ZFHX3: variants seen among roughly 807,000 people sequenced by gnomAD.
ZFHX3 encodes zinc finger homeobox 3.
A neutral mutation model predicts 279.1 loss-of-function variants in ZFHX3; 42 were observed. That is an observed-to-expected ratio of 0.15 (90% CI 0.12 to 0.19). The LOEUF is 0.19. Among genes scored for constraint, ZFHX3 ranks in the 10% least tolerant of loss-of-function variants. ZFHX3 has a pLI of 1.00. For synonymous variants in ZFHX3, 2,293 were observed against 1,957.8 expected, an observed-to-expected ratio of 1.17 and a Z score of -4.52; for missense variants, 4,981 against 4,754.0, an observed-to-expected ratio of 1.05 and a Z score of -1.40.
intron 2 of ZFHX3, among the ~76,000 whole-genome samples, chr16:73,590,007 G>A (rs1412628520): frequency 3.9e-5 from 6 of 152,108 alleles, no homozygotes; most frequent in Admixed American, 2.6e-4. Flanking sequence ...TTCAGTAATT[G>A]TATTGGTGGT....
chr16:73,506,270 A>T (rs1410369582), intron 2 of ZFHX3, among the ~76,000 whole-genome samples: 1 of 152,164 alleles, frequency 6.6e-6, no homozygotes, highest in East Asian at 1.9e-4. Context: ...AAACTCCCAC[A>T]TTGCCACCTG....
At position 73,845,035 on chromosome 16, in the gene ZFHX3, G is replaced by A. The variant is rs73603528; in HGVS notation, c.-1608+46616C>T. Reference sequence around the variant, plus strand: ...GGGCTAAAGAAGGAAGAGGTGGTAGGAGCTCCTCTTTTTTATAAGCAGCCA... The same window carrying A: ...GGGCTAAAGAAGGAAGAGGTGGTAGAAGCTCCTCTTTTTTATAAGCAGCCA... On this transcript the variant is annotated intron_variant, in intron 1 of 17. Transcript: ENST00000641206. Among the ~76,000 whole-genome samples the A allele has an allele frequency of 6.6e-3, 1,004 of 152,196 alleles. 14 individuals are homozygous for A. Among genetic ancestry groups the A allele is most frequent in the African/African-American group, 0.023 (966 of 41,498 alleles).
intron 3 of ZFHX3, among the ~76,000 whole-genome samples, chr16:73,361,304 G>T (rs1261688864): frequency 6.6e-6 from 1 of 152,222 alleles, no homozygotes; most frequent in Non-Finnish European, 1.5e-5. Context: ...GCAAGAAGAG[G>T]CTTGATAGGT....
At chr16:72,953,446 C>T (rs1329285863) in intron 2 of ZFHX3, among the ~76,000 whole-genome samples, 3 of 152,182 alleles carry the variant, frequency 2.0e-5, no homozygotes, top group Non-Finnish European at 2.9e-5. Context: ...ATGCCAACCA[C>T]CTGAAGCATC....
intron 1 of ZFHX3, among the ~76,000 whole-genome samples, chr16:73,816,712 G>C (rs916751239): frequency 6.6e-6 from 1 of 152,166 alleles, no homozygotes; most frequent in African/African-American, 2.4e-5. Flanking sequence ...CAAACAGAGA[G>C]AAAGGATTGG....
intron 1 of ZFHX3, among the ~76,000 whole-genome samples, chr16:73,019,917 A>T (rs1964242540): frequency 6.6e-6 from 1 of 152,190 alleles, no homozygotes; most frequent in Admixed American, 6.5e-5. Flanking sequence ...ACACGTTTTT[A>T]AAAAATGTCT....
At chr16:73,404,989 A>G (rs1471551044) in intron 3 of ZFHX3, among the ~76,000 whole-genome samples, 1 of 152,198 alleles carries the variant, frequency 6.6e-6, no homozygotes, top group African/African-American at 2.4e-5. Context: ...ACCATTTGCA[A>G]CGGTCCAAGG....
intron 3 of ZFHX3, among the ~76,000 whole-genome samples, chr16:73,371,339 T>C (rs997962356): frequency 6.6e-6 from 1 of 151,940 alleles, no homozygotes; most frequent in African/African-American, 2.4e-5. Flanking sequence ...AATTGTAGAA[T>C]GTTGCATATG....
chr16:73,836,964 C>T (rs1203132808), intron 1 of ZFHX3, among the ~76,000 whole-genome samples: 2 of 152,206 alleles, frequency 1.3e-5, no homozygotes. Flanking sequence ...TTATAACGTG[C>T]AGCATGAGAC....
At chr16:73,417,471 A>G (rs1264711917) in intron 3 of ZFHX3, among the ~76,000 whole-genome samples, 1 of 134,660 alleles carries the variant, frequency 7.4e-6, no homozygotes, top group Non-Finnish European at 1.5e-5. Flanking sequence ...GGCTCAAGTG[A>G]TCCTCCTGCC....
chr16:73,697,887 A>C (rs1166716937), intron 1 of ZFHX3, among the ~76,000 whole-genome samples: 2 of 152,216 alleles, frequency 1.3e-5, no homozygotes, highest in Non-Finnish European at 2.9e-5. Context: ...GCCTATAAGC[A>C]ATGGCACTAC....
intron 3 of ZFHX3, among the ~76,000 whole-genome samples, chr16:73,407,325 C>G (rs1341575844): frequency 2.0e-5 from 3 of 152,178 alleles, no homozygotes; most frequent in African/African-American, 7.2e-5. Context: ...CAATCCAAAA[C>G]CGATTGCATT....
chr16:73,502,050 G>T (rs966932545), intron 2 of ZFHX3, among the ~76,000 whole-genome samples: 2 of 151,902 alleles, frequency 1.3e-5, no homozygotes, highest in African/African-American at 4.8e-5. Context: ...CTCTCCACCA[G>T]GAGGTAAACC....
At chr16:73,567,007 G>C (rs1393601453) in intron 2 of ZFHX3, among the ~76,000 whole-genome samples, 1 of 151,990 alleles carries the variant, frequency 6.6e-6, no homozygotes, top group Non-Finnish European at 1.5e-5. Context: ...CCAACACTGA[G>C]CTAACTTTGA....
chr16:73,367,291 C>T (rs2016546025), intron 3 of ZFHX3, among the ~76,000 whole-genome samples: 1 of 152,174 alleles, frequency 6.6e-6, no homozygotes, highest in Admixed American at 6.5e-5. Context: ...GGCTATTGAA[C>T]CAAGATGGCT....
intron 4 of ZFHX3, among the ~76,000 whole-genome samples, chr16:72,853,111 T>A (rs2037661758): frequency 6.6e-6 from 1 of 152,224 alleles, no homozygotes; most frequent in Non-Finnish European, 1.5e-5. Context: ...GATGACAAGG[T>A]TGACCCTGGG....
At chr16:73,177,509 C>T (rs1967691213) in intron 5 of ZFHX3, among the ~76,000 whole-genome samples, 1 of 152,208 alleles carries the variant, frequency 6.6e-6, no homozygotes, top group African/African-American at 2.4e-5. Flanking sequence ...TTGTGAGCCG[C>T]AAGAACATAG....
At chr16:73,393,964 G>C (rs1377420689) in intron 3 of ZFHX3, among the ~76,000 whole-genome samples, 1 of 145,774 alleles carries the variant, frequency 6.9e-6, no homozygotes, top group Non-Finnish European at 1.5e-5. Context: ...ATATTATAAA[G>C]TATATATATC....
At chr16:73,891,384 A>G (rs2030533165) in intron 1 of ZFHX3, among the ~76,000 whole-genome samples, 1 of 152,130 alleles carries the variant, frequency 6.6e-6, no homozygotes. Flanking sequence ...TCCTATTTGC[A>G]TATTCACATG....
Sources: allele counts gnomAD v4.1 joint callset (sites outside exome capture counted in the v4.1 genomes callset), GRCh38; gene constraint gnomAD v4.1.1; transcripts MANE v1.5; gene names NCBI Gene and HGNC (gene_info 2026-07-23, HGNC 2026-07-21).